Variants in VAV2 observed in about 807,000 individuals in gnomAD.
VAV2 encodes the protein vav guanine nucleotide exchange factor 2.
VAV2 carries 67 observed loss-of-function variants against 132.5 expected under a neutral mutation model. The ratio of observed to expected loss-of-function variants is 0.51; its 90% CI spans 0.42 to 0.62. The LOEUF is 0.62. Ranked by LOEUF, VAV2 falls within the 20% of genes least tolerant of loss-of-function variation. The pLI is 0.00. For missense variants in VAV2, 938 were observed against 1,153.6 expected (o/e 0.81, Z 2.71); for synonymous variants, 492 against 443.5 (o/e 1.11, Z -1.37).
chr9:133,851,909 G>A (rs868186956), intron 3 of VAV2, among the ~76,000 whole-genome samples: 18 of 140,836 alleles, frequency 1.3e-4, no homozygotes, highest in African/African-American at 3.1e-4. Context: ...GGATGGATGG[G>A]TGGATGGATG....
Position 133,802,326 on chromosome 9 carries a change from A to C in VAV2, c.836+3755T>G, listed in dbSNP as rs1834964159. On this transcript the variant is annotated intron_variant, in intron 9 of 29. Transcript: ENST00000371850. This position sits in a 1 kb window ranked among gnomAD's most constrained non-coding sequence, Gnocchi z 5.8. ...CACAAACACACAAGCACGCGTGTAC[A>C]CACACACACACACACACACACACAC... Among the ~76,000 whole-genome samples, 1 of 99,308 alleles carries C rather than the reference A, an allele frequency of 1.0e-5. No homozygotes were observed. The allele number at this position is 99,308 out of a possible 152,430, so 65.1% of individuals were successfully genotyped here.
At chr9:133,861,267 C>T in intron 3 of VAV2, 107 bp downstream of exon 3, 1 of 1,249,052 alleles carries the variant, frequency 8.0e-7, no homozygotes, top group Non-Finnish European at 1.1e-6. Flanking sequence ...ATGATAAAGA[C>T]ACAGGCAGAG....
At chr9:133,838,457 AGGTGGGTG>A (rs1192835167) in intron 3 of VAV2, among the ~76,000 whole-genome samples, 1 of 73,948 alleles carries the variant, frequency 1.4e-5, no homozygotes, top group South Asian at 6.2e-4. Context: ...GTGGGTAAGT[AGGTGGGTG>A]GGTGGGTGGG....
intron 1 of VAV2, among the ~76,000 whole-genome samples, chr9:133,975,637 G>A (rs549465366): frequency 2.0e-5 from 3 of 152,118 alleles, no homozygotes; most frequent in Non-Finnish European, 4.4e-5. Flanking sequence ...TCCCTCCAAA[G>A]TCTCTGAGCC....
At chr9:133,803,297 C>A (rs1835009512) in intron 9 of VAV2, among the ~76,000 whole-genome samples, 1 of 152,214 alleles carries the variant, frequency 6.6e-6, no homozygotes, top group Non-Finnish European at 1.5e-5. Flanking sequence ...GAGAGCTCCT[C>A]TTGAAAGCCA....
intron 2 of VAV2, among the ~76,000 whole-genome samples, chr9:133,906,577 A>C (rs868565947): frequency 2.6e-5 from 4 of 152,222 alleles, no homozygotes; most frequent in Admixed American, 6.5e-5. Flanking sequence ...CCATGAAAAC[A>C]CTGATGAGAC....
chr9:133,987,070 C>T (rs1223467137), intron 1 of VAV2, among the ~76,000 whole-genome samples: 1 of 151,718 alleles, frequency 6.6e-6, no homozygotes, highest in Non-Finnish European at 1.5e-5. Flanking sequence ...AATGAAGGCA[C>T]AAGGTTCTGA....
At chr9:133,772,859 CACACCTAGGCTGGACA>C (rs1833679265) in intron 25 of VAV2, among the ~76,000 whole-genome samples, 1 of 151,854 alleles carries the variant, frequency 6.6e-6, no homozygotes, top group Non-Finnish European at 1.5e-5. Context: ...CTGCACACCC[CACACCTAGGCTGGACA>C]GCAGAGCCTA....
chr9:133,774,835 C>T lies in VAV2; in HGVS notation c.2135+100G>A, dbSNP rs949907585. 1.0e-5 allele frequency: 11 copies of T among 1,084,066 alleles called. No homozygotes were observed. The Admixed American group carries it at 2.1e-4, about 21-fold the overall frequency. The allele number at this position is 1,084,066 out of a possible 1,614,324, so 67.2% of individuals were successfully genotyped here. A position where few individuals can be genotyped will look rare whatever the true frequency, so the allele number is the denominator to read the frequency against. ...CTCACTTGGCAACAGATGACATGTC[C>T]ACCCCAACCCCACGAGCTCAGGACG... On this transcript the variant is annotated intron_variant, in intron 25 of 29. Coordinates refer to ENST00000371850, the MANE Select transcript of VAV2 (RefSeq NM_001134398.2).
chr9:133,774,848 C>A, intron 25 of VAV2, 87 bp downstream of exon 25: 1 of 1,228,474 alleles, frequency 8.1e-7, no homozygotes. Flanking sequence ...CCCAACCCCA[C>A]GAGCTCAGGA....
In VAV2 at chr9:133,787,926, C is replaced by G. The variant is rs566797127; in HGVS notation, c.1407+428G>C. Among the ~76,000 whole-genome samples, 16 of 152,346 alleles carry G rather than the reference C, an allele frequency of 1.1e-4. No individual in the cohort carries two copies. The East Asian group carries it at 3.1e-3, about 29-fold the overall frequency. On this transcript the variant is annotated intron_variant, in intron 15 of 29. Transcript: ENST00000371850. ...AAGCCACAGCCAGACCTACCCACAG[C>G]CCTCCTCCAAGCACCGCAGGGTGGG... is the stretch of plus-strand genomic sequence containing the variant.
At chr9:133,806,206 G>A (rs775643858) in intron 8 of VAV2, 25 bp from the exon 9 acceptor site, 1 of 1,599,960 alleles carries the variant, frequency 6.3e-7, no homozygotes, top group Admixed American at 1.7e-5. Flanking sequence ...AGCCGTGAGT[G>A]CCTGGCCAGG....
At position 133,791,787 on chromosome 9, in the gene VAV2, T is replaced by C; in HGVS notation, c.1184A>G (p.Asn395Ser). The change falls in exon 13 of 30, where the codon AAT becomes AGT. Residue 395 changes from asparagine (N) to serine (S), a missense_variant. Coordinates refer to ENST00000371850, the MANE Select transcript of VAV2 (RefSeq NM_001134398.2). ...KISEFQSSIE[N>S]LQVKLEEFGR... is the part of the protein sequence containing the mutation. The stretch of plus-strand genomic sequence containing the variant: ...TGAAGAGTCAGTCTCACTCACCAAA[T>C]TTTCTATAGAACTCTGAAATTCGCT... The C allele has an allele frequency of 6.2e-7, 1 of 1,614,120 alleles. No individual in the cohort carries two copies. The highest frequency in any genetic ancestry group is 8.5e-7 in the Non-Finnish European group (1 of 1,179,974).
intron 13 of VAV2, among the ~76,000 whole-genome samples, chr9:133,789,644 C>G (rs1834372917): frequency 6.6e-6 from 1 of 152,204 alleles, no homozygotes; most frequent in Non-Finnish European, 1.5e-5. Flanking sequence ...TTCACAGAGG[C>G]CGCCGCTGTG....
intron 2 of VAV2, among the ~76,000 whole-genome samples, chr9:133,917,320 G>A (rs1354318863): frequency 2.0e-5 from 3 of 152,146 alleles, no homozygotes; most frequent in African/African-American, 4.8e-5. Flanking sequence ...GATTACCTAC[G>A]CCGACAGGGA....
intron 2 of VAV2, among the ~76,000 whole-genome samples, chr9:133,911,151 C>A (rs745695): frequency 6.6e-6 from 1 of 152,004 alleles, no homozygotes. Flanking sequence ...TGTATTCACG[C>A]GTGCACTGGG....
chr9:133,861,004 G>A (rs77317705), intron 3 of VAV2, among the ~76,000 whole-genome samples: 2 of 152,214 alleles, frequency 1.3e-5, no homozygotes, highest in African/African-American at 2.4e-5. Context: ...ATGCTCCGGC[G>A]CCATCCCTGC....
intron 13 of VAV2, among the ~76,000 whole-genome samples, chr9:133,790,448 A>T (rs545245845): frequency 6.6e-6 from 1 of 152,328 alleles, no homozygotes; most frequent in East Asian, 1.9e-4. Context: ...GAGTGCTGGG[A>T]TTACAGGCAT....
At chr9:133,942,001 G>A (rs1442646571) in intron 1 of VAV2, among the ~76,000 whole-genome samples, 2 of 152,298 alleles carry the variant, frequency 1.3e-5, no homozygotes, top group East Asian at 1.9e-4. Flanking sequence ...GGGTGGTTTC[G>A]TGGGGAACAG....
Sources: gnomAD v4.1 joint callset for allele counts (sites outside exome capture counted in the v4.1 genomes callset) on GRCh38, gnomAD v4.1.1 for gene constraint, Gnocchi (gnomAD v3.1) non-coding constraint, MANE v1.5 for transcripts, NCBI Gene and HGNC (gene_info 2026-07-23, HGNC 2026-07-21) for gene names.